The following PCNX2 variants were observed in gnomAD, a reference collection of about 807,000 sequenced individuals.
PCNX2 encodes the protein pecanex-like protein 2.
In PCNX2, 168 loss-of-function variants were observed where a neutral mutation model predicts 223.8. The observed-to-expected ratio is 0.75, with a 90% CI of 0.66 to 0.85. The LOEUF is 0.85. Among genes scored for constraint, PCNX2 ranks in the 40% least tolerant of loss-of-function variants. PCNX2 has a pLI of 0.00. For missense variants in PCNX2, 2,507 were observed against 2,675.5 expected, an observed-to-expected ratio of 0.94 and a Z score of 1.39; for synonymous variants, 1,006 against 1,052.6, an observed-to-expected ratio of 0.96 and a Z score of 0.86.
intron 8 of PCNX2, 35 bp from the exon 9 acceptor site, chr1:233,237,015 G>C: frequency 6.2e-7 from 1 of 1,611,976 alleles, no homozygotes; most frequent in Non-Finnish European, 8.5e-7. Context: ...TTGGTTACCT[G>C]GTAATACCAG....
chr1:233,157,667 A>G (rs1170112023), intron 19 of PCNX2, among the ~76,000 whole-genome samples: 1 of 152,174 alleles, frequency 6.6e-6, no homozygotes, highest in East Asian at 1.9e-4. Flanking sequence ...TGCTGGTGGA[A>G]AAAAAATGAA....
intron 21 of PCNX2, among the ~76,000 whole-genome samples, chr1:233,121,508 C>T (rs951612341): frequency 3.3e-5 from 5 of 152,236 alleles, no homozygotes; most frequent in East Asian, 1.9e-4. Flanking sequence ...TTGAACAAAA[C>T]AGCTCAAGAA....
chr1:233,270,111 C>T (rs1175269409), intron 1 of PCNX2, among the ~76,000 whole-genome samples: 1 of 152,072 alleles, frequency 6.6e-6, no homozygotes, highest in Non-Finnish European at 1.5e-5. Flanking sequence ...AGTATCTTGT[C>T]TCTGCCATTC....
At chr1:233,243,917 C>T (rs899883502) in intron 8 of PCNX2, among the ~76,000 whole-genome samples, 7 of 152,048 alleles carry the variant, frequency 4.6e-5, no homozygotes, top group Admixed American at 1.3e-4. Flanking sequence ...CCACAACCTC[C>T]GCCTCCCAGG....
At chr1:233,071,960 T>C (rs1362457145) in intron 23 of PCNX2, among the ~76,000 whole-genome samples, 3 of 152,256 alleles carry the variant, frequency 2.0e-5, no homozygotes, top group South Asian at 4.1e-4. Context: ...GAAAAGTGTC[T>C]GTTCATGTCC....
At chr1:233,262,845 C>T (rs940444814) in intron 2 of PCNX2, 113 bp downstream of exon 2, 8 of 914,254 alleles carry the variant, frequency 8.8e-6, no homozygotes, top group Admixed American at 5.1e-5. Context: ...AAGAAAAATG[C>T]ATATATTTCT....
intron 23 of PCNX2, among the ~76,000 whole-genome samples, chr1:233,070,987 G>C (rs1044161460): frequency 6.6e-6 from 1 of 152,148 alleles, no homozygotes; most frequent in Non-Finnish European, 1.5e-5. Context: ...AGTGAGCCGA[G>C]ATCATGCCAC....
chr1:233,319,979 C>A, the PCNX2 span, among the ~76,000 whole-genome samples: 3 of 152,052 alleles, frequency 2.0e-5, no homozygotes, highest in Admixed American at 1.3e-4. Context: ...TTATAAATTT[C>A]TTTTATGCCT....
chr1:233,135,235 A>G, intron 20 of PCNX2, 45 bp from the exon 21 acceptor site: 1 of 1,548,232 alleles, frequency 6.5e-7, no homozygotes, highest in Non-Finnish European at 8.8e-7. Flanking sequence ...CAGTGTGCAC[A>G]CTGCTGGATG....
intron 13 of PCNX2, among the ~76,000 whole-genome samples, chr1:233,204,620 T>G (rs1681339657): frequency 2.0e-5 from 3 of 152,260 alleles, no homozygotes; most frequent in Admixed American, 2.0e-4. Context: ...TGTTCCCACG[T>G]AAAGTCAGAA....
intron 15 of PCNX2, among the ~76,000 whole-genome samples, chr1:233,184,413 T>C (rs1376825495): frequency 3.9e-5 from 6 of 152,072 alleles, no homozygotes; most frequent in Admixed American, 1.3e-4. Flanking sequence ...CCAGCAAAGT[T>C]GAATGTCAGT....
chr1:233,138,305 T>C (rs1676923608), intron 20 of PCNX2, among the ~76,000 whole-genome samples: 1 of 152,352 alleles, frequency 6.6e-6, no homozygotes, highest in South Asian at 2.1e-4. Flanking sequence ...TTTATTTGAC[T>C]CTGCTAGAGT....
intron 10 of PCNX2, among the ~76,000 whole-genome samples, chr1:233,223,935 A>G (rs912406717): frequency 2.0e-5 from 3 of 152,268 alleles, no homozygotes; most frequent in African/African-American, 7.2e-5. Flanking sequence ...GCCAACCACC[A>G]GTTCGAACAT....
chr1:233,129,977 C>A (rs1211257851), intron 21 of PCNX2, among the ~76,000 whole-genome samples: 1 of 152,178 alleles, frequency 6.6e-6, no homozygotes, highest in Admixed American at 6.5e-5. Flanking sequence ...TCCACACTGC[C>A]TTTATGAGCT....
chr1:233,095,770 G>C lies in PCNX2; in HGVS notation c.3931C>G (p.Leu1311Val). The change falls in exon 22 of 34, where the codon CTC becomes GTC. Residue 1311 changes from leucine to valine, a missense_variant. Around this residue, in one of 3 missense-constraint regions of PCNX2, gnomAD observed 1,372 missense variants for 1,509.4 expected, o/e 0.91. Transcript: ENST00000258229. ...GAAAGGATACGAGGAATGGCAAAGA[G>C]CTGAGCAAACACGTGAAACGAAGAA... is the stretch of plus-strand genomic sequence containing the variant. ...WGSSFHVFAQ[L>V]FAIPHSAMLF... 1 of 1,606,712 alleles carries C rather than the reference G, an allele frequency of 6.2e-7. No homozygotes were observed. The highest frequency in any genetic ancestry group is 8.5e-7 in the Non-Finnish European group (1 of 1,174,966).
At chr1:233,187,953 A>G (rs1256702612) in intron 15 of PCNX2, among the ~76,000 whole-genome samples, 1 of 152,240 alleles carries the variant, frequency 6.6e-6, no homozygotes, top group Non-Finnish European at 1.5e-5. Context: ...CAAATTTATT[A>G]CTATTAGCAT....
At chr1:233,108,373 G>C (rs948937477) in intron 21 of PCNX2, among the ~76,000 whole-genome samples, 1 of 152,154 alleles carries the variant, frequency 6.6e-6, no homozygotes, top group African/African-American at 2.4e-5. Context: ...CACTCACCTG[G>C]GGCAGATGCA....
chr1:233,007,428 T>C (rs1670323483), intron 28 of PCNX2, among the ~76,000 whole-genome samples: 1 of 152,194 alleles, frequency 6.6e-6, no homozygotes, highest in African/African-American at 2.4e-5. Flanking sequence ...CAGAATCTGA[T>C]GTCACACTGA....
intron 28 of PCNX2, among the ~76,000 whole-genome samples, chr1:233,005,588 TA>T (rs1670255034): frequency 6.6e-6 from 1 of 152,202 alleles, no homozygotes; most frequent in African/African-American, 2.4e-5. Context: ...AGAATTCCAC[TA>T]GATCAGGGAA....
Sources: gnomAD v4.1 joint callset for allele counts (sites outside exome capture counted in the v4.1 genomes callset) on GRCh38, gnomAD v4.1.1 for gene constraint, gnomAD v4.1.1 regional missense constraint, MANE v1.5 for transcripts, NCBI Gene and HGNC (gene_info 2026-07-23, HGNC 2026-07-21) for gene names.